CPVL: variants seen among roughly 807,000 people sequenced by gnomAD.
The protein encoded by CPVL is probable serine carboxypeptidase CPVL.
A neutral mutation model predicts 63.7 loss-of-function variants in CPVL; 51 were observed. The ratio of observed to expected loss-of-function variants is 0.80; its 90% CI spans 0.64 to 1.01. The LOEUF is 1.01. Among genes scored for constraint, CPVL ranks in the 50% least tolerant of loss-of-function variants. The pLI is 0.00. For synonymous variants in CPVL, 195 were observed against 206.0 expected, an observed-to-expected ratio of 0.95 and a Z score of 0.46; for missense variants, 530 against 573.1, an observed-to-expected ratio of 0.92 and a Z score of 0.77.
chr7:29,086,068 C>A (rs1297128891), intron 7 of CPVL, among the ~76,000 whole-genome samples: 1 of 152,032 alleles, frequency 6.6e-6, no homozygotes, highest in Non-Finnish European at 1.5e-5. Flanking sequence ...CCGAGGCGGG[C>A]AGATCATGAG....
In CPVL at chr7:29,128,176, T is replaced by G. The variant is rs56404023; in HGVS notation, c.-10-7105A>C. The G allele has an allele frequency of 4.8e-3, 11 of 2,272 alleles. No homozygotes were observed. The African/African-American group carries it at 0.083, about 17-fold the overall frequency. 0.1% of individuals were successfully genotyped at this position (2,272 alleles called of 1,614,324 possible). A position where few individuals can be genotyped will look rare whatever the true frequency, so the allele number is the denominator to read the frequency against. ...TAAAAAAACAACAAAAAGTTAAGAG[T>G]TTTTTTTTTTTTTTTTTTTTTTTTT... On this transcript the variant is annotated intron_variant, in intron 1 of 12. Coordinates refer to ENST00000265394, the MANE Select transcript of CPVL (RefSeq NM_031311.5).
chr7:29,142,576 G>C (rs1190812682), intron 1 of CPVL, among the ~76,000 whole-genome samples: 2 of 148,770 alleles, frequency 1.3e-5, no homozygotes, highest in Admixed American at 6.8e-5. Context: ...GCCCAGGCTG[G>C]AGTGTAGTGG....
intron 11 of CPVL, among the ~76,000 whole-genome samples, chr7:29,040,443 G>C (rs1788955516): frequency 6.6e-6 from 1 of 152,146 alleles, no homozygotes; most frequent in Non-Finnish European, 1.5e-5. Context: ...GACCTCAGCT[G>C]TCCATCACTC....
intron 7 of CPVL, among the ~76,000 whole-genome samples, chr7:29,080,709 G>A (rs769667155): frequency 2.0e-5 from 3 of 152,010 alleles, no homozygotes; most frequent in Admixed American, 6.5e-5. Context: ...CATGGCTCTC[G>A]CATACTGGGA....
intron 7 of CPVL, among the ~76,000 whole-genome samples, chr7:29,073,426 C>G (rs931411449): frequency 6.6e-6 from 1 of 152,142 alleles, no homozygotes; most frequent in South Asian, 2.1e-4. Context: ...TTGCCCTTAT[C>G]CTTTAATGAC....
chr7:29,180,037 C>T (rs1209404742), intron 5 of CPVL, among the ~76,000 whole-genome samples: 2 of 152,090 alleles, frequency 1.3e-5, no homozygotes, highest in Admixed American at 6.5e-5. Flanking sequence ...ATAAGATGTC[C>T]TTTCATCAAT....
chr7:29,096,223 G>A lies in CPVL; in HGVS notation c.289-6C>T, dbSNP rs374272421. The A allele has an allele frequency of 3.7e-6, 6 of 1,607,826 alleles. No homozygotes were observed. The highest frequency in any genetic ancestry group is 4.3e-6 in the Non-Finnish European group (5 of 1,174,454). On this transcript the variant is annotated splice_region_variant and splice_polypyrimidine_tract_variant and intron_variant, in intron 3 of 12. Transcript: ENST00000265394. ...GGGGCATCTTCTGGCTGTATCTAGA[G>A]GAAACAGTAAAACCAGTGACCACAC...
chr7:28,999,351 A>G (rs1027747833), intron 12 of CPVL, among the ~76,000 whole-genome samples: 1 of 152,240 alleles, frequency 6.6e-6, no homozygotes, highest in African/African-American at 2.4e-5. Flanking sequence ...AAGAATTTGC[A>G]TATCTAACAA....
intron 6 of CPVL, among the ~76,000 whole-genome samples, chr7:29,091,548 G>GAA (rs879283393): frequency 0.05 from 7,593 of 152,208 alleles, 193 homozygotes; most frequent in South Asian, 0.072. Context: ...GGTGCTGGGG[G>GAA]GAACACCCCG....
At chr7:29,058,507 A>G (rs1373026713) in intron 11 of CPVL, among the ~76,000 whole-genome samples, 1 of 152,032 alleles carries the variant, frequency 6.6e-6, no homozygotes, top group Non-Finnish European at 1.5e-5. Flanking sequence ...CTTTATATAG[A>G]TGTGAGTTTC....
chr7:29,127,181 T>C lies in CPVL; in HGVS notation c.-10-6110A>G, dbSNP rs552055923. On this transcript the variant is annotated intron_variant, in intron 1 of 12. Transcript: ENST00000265394. ...GACACCACAGTCTAGAGCTTTTCCT[T>C]GAAATCCCACTCCAACCAGAAGGGA... Among the ~76,000 whole-genome samples, 5 of 152,282 alleles carry C rather than the reference T, an allele frequency of 3.3e-5. No homozygotes were observed. In the South Asian group the frequency reaches 8.3e-4, roughly 25 times the overall value.
chr7:29,104,051 T>C (rs1299762003), intron 3 of CPVL, among the ~76,000 whole-genome samples: 3 of 152,216 alleles, frequency 2.0e-5, no homozygotes, highest in East Asian at 1.9e-4. Context: ...TTTAAAGCAA[T>C]TAATTTTGTG....
intron 11 of CPVL, among the ~76,000 whole-genome samples, chr7:29,045,025 T>C (rs1016268997): frequency 2.0e-5 from 3 of 152,188 alleles, no homozygotes; most frequent in African/African-American, 7.2e-5. Flanking sequence ...TATGACATGA[T>C]GGTGGTGTGC....
intron 11 of CPVL, among the ~76,000 whole-genome samples, chr7:29,061,135 C>T (rs368182217): frequency 9.9e-5 from 15 of 152,272 alleles, no homozygotes; most frequent in African/African-American, 3.1e-4. Flanking sequence ...ATGCCAGACA[C>T]GGTGGCTCAC....
At chr7:29,085,322 C>T (rs1785097058) in intron 7 of CPVL, among the ~76,000 whole-genome samples, 1 of 152,122 alleles carries the variant, frequency 6.6e-6, no homozygotes, top group South Asian at 2.1e-4. Context: ...GCACAGGAGC[C>T]AACTGAAGGG....
At chr7:29,094,142 A>G (rs1208669273) in intron 5 of CPVL, among the ~76,000 whole-genome samples, 1 of 152,146 alleles carries the variant, frequency 6.6e-6, no homozygotes, top group Admixed American at 6.5e-5. Context: ...GGAGTTCAAG[A>G]CCAGCCTGGC....
At chr7:29,194,936 G>C (rs368239468) in intron 1 of CPVL, 2 of 1,566,912 alleles carry the variant, frequency 1.3e-6, no homozygotes, top group Admixed American at 1.8e-5. Flanking sequence ...CGAGGGGCGC[G>C]CGGAGATGGC....
chr7:29,157,709 C>T (rs1374346558), intron 5 of CPVL, among the ~76,000 whole-genome samples: 1 of 152,146 alleles, frequency 6.6e-6, no homozygotes, highest in African/African-American at 2.4e-5. Flanking sequence ...CACTCAATGA[C>T]CTGAACAAGA....
intron 1 of CPVL, chr7:29,128,234 C>T (rs1790275552): frequency 7.0e-6 from 1 of 143,838 alleles, no homozygotes; most frequent in Admixed American, 7.2e-5. Context: ...TGGATCTCTG[C>T]TCCTAGGTAG....
Sources: gnomAD v4.1 joint callset for allele counts (sites outside exome capture counted in the v4.1 genomes callset) on GRCh38, gnomAD v4.1.1 for gene constraint, MANE v1.5 for transcripts, NCBI Gene and HGNC (gene_info 2026-07-23, HGNC 2026-07-21) for gene names.